The following PLOD3 variants were observed in gnomAD, a reference collection of about 807,000 sequenced individuals.
PLOD3 encodes multifunctional procollagen lysine hydroxylase and glycosyltransferase LH3.
A neutral mutation model predicts 96.9 loss-of-function variants in PLOD3; 73 were observed. The ratio of observed to expected loss-of-function variants is 0.75; its 90% CI spans 0.62 to 0.92. The LOEUF is 0.92. Among genes scored for constraint, PLOD3 ranks in the 40% least tolerant of loss-of-function variants. The pLI, the probability that PLOD3 is intolerant of heterozygous loss-of-function variation, is 0.00. For synonymous variants in PLOD3, 454 were observed against 413.7 expected, an observed-to-expected ratio of 1.10 and a Z score of -1.18; for missense variants, 1,004 against 1,004.3, an observed-to-expected ratio of 1.00 and a Z score of 0.00.
chr7:101,213,453 A>T, intron 6 of PLOD3: 1 of 549,868 alleles, frequency 1.8e-6, no homozygotes. Context: ...GCTGAGCGGG[A>T]GGCCAGTAGG....
intron 5 of PLOD3, among the ~76,000 whole-genome samples, chr7:101,215,375 G>A (rs1798252445): frequency 3.3e-5 from 5 of 152,190 alleles, no homozygotes; most frequent in Admixed American, 2.6e-4. Context: ...ACCACGCCTG[G>A]CTAATTTTTG....
intron 6 of PLOD3, chr7:101,213,590 C>A: frequency 4.4e-6 from 1 of 228,382 alleles, no homozygotes; most frequent in South Asian, 5.8e-5. Flanking sequence ...GGTCTCGGCT[C>A]ACTGCAACCT....
At position 101,206,868 on chromosome 7, in the gene PLOD3, GCCGGTAGCGAA is replaced by G; in HGVS notation, c.1961_1971del (p.Val654AlafsTer30). 2 of 1,560,962 alleles carry G rather than the reference GCCGGTAGCGAA, an allele frequency of 1.3e-6. No homozygotes were observed. Among genetic ancestry groups the G allele is most frequent in the Non-Finnish European group, 1.7e-6 (2 of 1,151,996 alleles). On this transcript the variant is annotated frameshift_variant, in exon 18 of 19. Coordinates refer to ENST00000223127, the MANE Select transcript of PLOD3 (RefSeq NM_001084.5). LOFTEE classifies it high-confidence loss of function. Reference sequence around the variant, plus strand: ...GGCCGCAGAGACGGCTGCTCGTCTGGCCGGTAGCGAACCACAAAGTTCATCACCGCCCGCGC... The same window carrying G: ...GGCCGCAGAGACGGCTGCTCGTCTGGCCACAAAGTTCATCACCGCCCGCGC...
Position 101,211,826 on chromosome 7 carries a change from G to T in PLOD3, c.1232+20C>A. ...GCCTGTTGGGGTGCCCTCCGGCTGC[G>T]GGGAGAGGGGGTAAGCCACCTGTTC... is the stretch of plus-strand genomic sequence containing the variant. On this transcript the variant is annotated intron_variant, in intron 11 of 18. Transcript: ENST00000223127. 6.3e-7 allele frequency: 1 copy of T among 1,599,036 alleles called. No individual in the cohort carries two copies.
intron 11 of PLOD3, 49 bp from the exon 12 acceptor site, chr7:101,211,765 G>A (rs1798185370): frequency 2.5e-6 from 4 of 1,591,762 alleles, no homozygotes; most frequent in Middle Eastern, 1.7e-4. Flanking sequence ...CAGGCCTGGG[G>A]AGCCCGGTGC....
Position 101,212,302 on chromosome 7 carries a change from C to G in PLOD3, c.1078G>C (p.Val360Leu), listed in dbSNP as rs183884043. The G allele has an allele frequency of 6.2e-6, 10 of 1,613,894 alleles. No homozygotes were observed. The highest frequency in any genetic ancestry group is 4.4e-5 in the South Asian group (4 of 91,074). Residue 360 changes from valine to leucine, a missense_variant, in exon 10 of 19, where the codon GTG (valine) becomes CTG (leucine). Transcript: ENST00000223127. ...GGGCTCAGAGCCTCCTCCGGCCCCA[C>G]GAGCTTCACAGCTGAGAAGTGGTCC... ...LQDHFSAVKL[V>L]GPEEALSPGE...
Position 101,215,968 on chromosome 7 carries a change from G to A in PLOD3, c.555C>T (p.Tyr185=), listed in dbSNP as rs762640644. ...TIHQIVRQWK[Y]KDDDDDQLFY... ...ACAGCTGGTCGTCGTCATCATCCTT[G>A]TACTTCCACTGGCGCACGATTTGGT... The change falls in exon 5 of 19, where the codon TAC becomes TAT. Residue 185 remains tyrosine, a synonymous_variant. Transcript: ENST00000223127. The A allele has an allele frequency of 1.2e-6, 2 of 1,612,980 alleles. No individual in the cohort carries two copies. Among genetic ancestry groups the A allele is most frequent in the Non-Finnish European group, 8.5e-7 (1 of 1,179,618 alleles).
chr7:101,210,728 A>C (rs1798168770), intron 12 of PLOD3, 55 bp from the exon 13 acceptor site: 5 of 1,605,616 alleles, frequency 3.1e-6, no homozygotes, highest in Non-Finnish European at 4.3e-6. Flanking sequence ...AATTCTGCCC[A>C]GCTCATCCCG....
rs759277092 is a variant in PLOD3, at chr7:101,211,725, A to T, written c.1233-9T>A. The T allele has an allele frequency of 8.7e-6, 14 of 1,601,308 alleles. No homozygotes were observed. In the East Asian group the frequency reaches 2.9e-4, roughly 34 times the overall value. On this transcript the variant is annotated splice_polypyrimidine_tract_variant and intron_variant, in intron 11 of 18. Transcript: ENST00000223127. ...TGGGGGCGATCACCTTCCTGCGGAC[A>T]GGTGGGGGTGAGGGCTGGGCAGACG... is the stretch of plus-strand genomic sequence containing the variant.
intron 18 of PLOD3, 138 bp from the exon 19 acceptor site, chr7:101,206,574 A>T: frequency 1.0e-6 from 1 of 1,002,070 alleles, no homozygotes; most frequent in Non-Finnish European, 1.5e-6. Context: ...CAGATATGGC[A>T]GACACCGGAG....
intron 16 of PLOD3, chr7:101,208,547 C>T (rs758736371): frequency 2.7e-5 from 10 of 372,082 alleles, no homozygotes; most frequent in African/African-American, 6.3e-5. Context: ...GGCCCAAACT[C>T]GGCTAATTTT....
chr7:101,210,195 C>G, intron 14 of PLOD3, 34 bp from the exon 15 acceptor site: 1 of 1,538,106 alleles, frequency 6.5e-7, no homozygotes. Flanking sequence ...CAGATCTGTG[C>G]CCCCCTCGCT....
chr7:101,215,847 C>T, intron 5 of PLOD3, 61 bp downstream of exon 5: 2 of 1,168,306 alleles, frequency 1.7e-6, no homozygotes, highest in Non-Finnish European at 1.3e-6. Context: ...AAATCCCATT[C>T]AGCCTGAGGC....
intron 10 of PLOD3, 99 bp from the exon 11 acceptor site, chr7:101,212,049 C>G: frequency 2.9e-6 from 3 of 1,028,008 alleles, no homozygotes; most frequent in Non-Finnish European, 2.9e-6. Context: ...GAGGCAGTGT[C>G]TATCCTTCCT....
chr7:101,213,293 C>G (rs1393315659), intron 6 of PLOD3, 89 bp from the exon 7 acceptor site: 1 of 875,226 alleles, frequency 1.1e-6, no homozygotes, highest in Admixed American at 2.0e-5. Context: ...CCCAAATTCT[C>G]CAGGGAATAA....
At position 101,206,040 on chromosome 7, in the gene PLOD3, G is replaced by A. The variant is rs184749695; in HGVS notation, c.*241C>T. 5.0e-5 allele frequency: 30 copies of A among 600,416 alleles called. No individual in the cohort carries two copies. The highest frequency in any genetic ancestry group is 8.4e-5 in the East Asian group (3 of 35,560). 37.2% of individuals were successfully genotyped at this position (600,416 alleles called of 1,614,324 possible). A position where few individuals can be genotyped will look rare whatever the true frequency, so the allele number is the denominator to read the frequency against. ...GCGGAACATTAATAATTTATCACGC[G>A]GGGAGTCCCCAGAAGCCCTGTGCCC... On this transcript the variant is annotated 3_prime_UTR_variant, in exon 19 of 19. Transcript: ENST00000223127.
At chr7:101,213,016 TG>T in intron 7 of PLOD3, 73 bp from the exon 8 acceptor site, 1 of 1,113,050 alleles carries the variant, frequency 9.0e-7, no homozygotes, top group Non-Finnish European at 1.2e-6. Context: ...ACCTCTGATA[TG>T]GGGGCTGGGA....
At position 101,210,179 on chromosome 7, in the gene PLOD3, G is replaced by A. The variant is rs200102668; in HGVS notation, c.1615-18C>T. The A allele has an allele frequency of 1.9e-6, 3 of 1,589,388 alleles. No individual in the cohort carries two copies. Among genetic ancestry groups the A allele is most frequent in the Admixed American group, 1.7e-5 (1 of 57,488 alleles). Reference sequence around the variant, plus strand: ...TTCCAGTCCTGTGAGAGGGTGGGGGGCACATCAGATCTGTGCCCCCCTCGC... The same window carrying A: ...TTCCAGTCCTGTGAGAGGGTGGGGGACACATCAGATCTGTGCCCCCCTCGC... On this transcript the variant is annotated intron_variant, in intron 14 of 18. Transcript: ENST00000223127.
intron 15 of PLOD3, 52 bp from the exon 16 acceptor site, chr7:101,209,009 A>G (rs1330404973): frequency 7.7e-7 from 1 of 1,301,600 alleles, no homozygotes; most frequent in Non-Finnish European, 1.1e-6. Flanking sequence ...AGAACGGGGA[A>G]GGGGACAGGC....
Sources: allele counts gnomAD v4.1 joint callset (sites outside exome capture counted in the v4.1 genomes callset), GRCh38; gene constraint gnomAD v4.1.1; transcripts MANE v1.5; gene names NCBI Gene and HGNC (gene_info 2026-07-23, HGNC 2026-07-21).